Variants in ATP8A1 observed in about 807,000 individuals in gnomAD.
ATP8A1 encodes the protein ATPase phospholipid transporting 8A1.
A neutral mutation model predicts 177.7 loss-of-function variants in ATP8A1; 90 were observed. The observed-to-expected ratio is 0.51, with a 90% CI of 0.43 to 0.60. The LOEUF (loss-of-function observed/expected upper bound fraction) is 0.60, where lower values mean the gene tolerates loss of function less well. Among genes scored for constraint, ATP8A1 ranks in the 20% least tolerant of loss-of-function variants. The probability of loss-of-function intolerance (pLI) is 0.00; values close to 1 mark genes in which losing one functional copy is unlikely to be tolerated. For synonymous variants in ATP8A1, 493 were observed against 485.9 expected (o/e 1.01, Z -0.19); for missense variants, 1,072 against 1,392.8 (o/e 0.77, Z 3.67).
At chr4:42,577,973 A>C (rs1732645980) in intron 12 of ATP8A1, among the ~76,000 whole-genome samples, 1 of 152,178 alleles carries the variant, frequency 6.6e-6, no homozygotes, top group Non-Finnish European at 1.5e-5. Context: ...CTAGTAAATT[A>C]TAATACTAGA....
At chr4:42,469,172 TTTA>T (rs1368723471) in intron 25 of ATP8A1, among the ~76,000 whole-genome samples, 9 of 152,222 alleles carry the variant, frequency 5.9e-5, no homozygotes, top group African/African-American at 2.2e-4. Context: ...CAAAAAGTCT[TTTA>T]GAGCATTATA....
At chr4:42,538,737 A>G (rs1278372274) in intron 20 of ATP8A1, among the ~76,000 whole-genome samples, 1 of 152,158 alleles carries the variant, frequency 6.6e-6, no homozygotes, top group Admixed American at 6.6e-5. Context: ...GAATGGCCAT[A>G]ATCAAAAACT....
chr4:42,631,275 A>G (rs1459480326), intron 1 of ATP8A1, among the ~76,000 whole-genome samples: 1 of 152,256 alleles, frequency 6.6e-6, no homozygotes, highest in Non-Finnish European at 1.5e-5. Context: ...AAACCAGATT[A>G]GTAATATACT....
At chr4:42,636,610 G>A (rs1739419246) in intron 1 of ATP8A1, among the ~76,000 whole-genome samples, 1 of 152,120 alleles carries the variant, frequency 6.6e-6, no homozygotes, top group Non-Finnish European at 1.5e-5. Flanking sequence ...GTAGCCAGAG[G>A]AAAAATGGAA....
chr4:42,605,488 A>AC (rs2109414967), intron 5 of ATP8A1, among the ~76,000 whole-genome samples: 1 of 152,286 alleles, frequency 6.6e-6, no homozygotes, highest in East Asian at 1.9e-4. Flanking sequence ...GGGAAGTGTC[A>AC]CAACAGGCTT....
At chr4:42,561,749 G>A (rs1730857907) in intron 15 of ATP8A1, 1 of 152,192 alleles carries the variant, frequency 6.6e-6, no homozygotes, top group South Asian at 2.1e-4. Flanking sequence ...AGGGAGCTGA[G>A]CTCTGTGGCT....
At chr4:42,420,770 C>CT (rs34285804) in intron 35 of ATP8A1, among the ~76,000 whole-genome samples, 20,716 of 121,200 alleles carry the variant, frequency 0.17, 1,693 homozygotes, top group Middle Eastern at 0.29. Context: ...AGCTAGAACT[C>CT]TTTTTTTTTT....
intron 5 of ATP8A1, among the ~76,000 whole-genome samples, chr4:42,608,363 A>ATTTT (rs748536968): frequency 6.5e-5 from 9 of 138,652 alleles, no homozygotes; most frequent in Non-Finnish European, 7.7e-5. Context: ...CAATAATATC[A>ATTTT]TTTTTTTTTT....
At chr4:42,513,224 T>G (rs1290160023) in intron 22 of ATP8A1, among the ~76,000 whole-genome samples, 1 of 152,180 alleles carries the variant, frequency 6.6e-6, no homozygotes, top group Non-Finnish European at 1.5e-5. Context: ...CAATTCTCTT[T>G]CTTTTCCTTG....
At chr4:42,500,365 AAAAACAAAACAAAACAAAACAAAAC>A (rs142164207) in intron 24 of ATP8A1, among the ~76,000 whole-genome samples, 1 of 149,314 alleles carries the variant, frequency 6.7e-6, no homozygotes, top group Non-Finnish European at 1.5e-5. Flanking sequence ...ACTCGGTCTC[AAAAACAAAACAAAACAAAACAAAAC>A]AAAACAAAAC....
At position 42,579,947 on chromosome 4, in the gene ATP8A1, T is replaced by C. The variant is rs1179020676; in HGVS notation, c.866A>G (p.Asn289Ser). 1 of 1,610,066 alleles carries C rather than the reference T, an allele frequency of 6.2e-7. No homozygotes were observed. Among genetic ancestry groups the C allele is most frequent in the Admixed American group, 1.7e-5 (1 of 59,564 alleles). The change falls in exon 11 of 37, where the codon AAT (asparagine) becomes AGT (serine). Residue 289 changes from asparagine (N) to serine (S), a missense_variant. Physicochemically the swap from Asn to Ser is conservative, Grantham distance 46. Coordinates refer to ENST00000381668, the MANE Select transcript of ATP8A1 (RefSeq NM_006095.2). ...TTGTACATTTGTAATCCGTTCCACA[T>C]TTGAGAGCTTAAGTGGTGGACTTGT... ...NSTSPPLKLSNVERITNVQIL... is the reference protein window; with the variant it reads ...NSTSPPLKLSSVERITNVQIL...
At chr4:42,533,097 A>G (rs1008396648) in intron 20 of ATP8A1, among the ~76,000 whole-genome samples, 4 of 152,188 alleles carry the variant, frequency 2.6e-5, no homozygotes, top group Non-Finnish European at 5.9e-5. Flanking sequence ...CGTGACATGA[A>G]CTTTTGCTCC....
intron 25 of ATP8A1, among the ~76,000 whole-genome samples, chr4:42,480,310 T>C (rs911877341): frequency 3.9e-5 from 6 of 152,176 alleles, no homozygotes; most frequent in South Asian, 2.1e-4. Flanking sequence ...AAGCAAACTA[T>C]TGGCATTTTA....
Position 42,419,797 on chromosome 4 carries a change from T to G in ATP8A1, c.3305+3010A>C, listed in dbSNP as rs537336117. ...GGCGGGTGGATCACGAGGTCAGGAG[T>G]TCGAGACCAGTCTGGCCAACATAGT... On this transcript the variant is annotated intron_variant, in intron 35 of 36. Coordinates refer to ENST00000381668, the MANE Select transcript of ATP8A1 (RefSeq NM_006095.2). Among the ~76,000 whole-genome samples, 79 of 151,482 alleles carry G rather than the reference T, an allele frequency of 5.2e-4. 1 individual carries two copies. The highest frequency in any genetic ancestry group is 1.7e-3 in the African/African-American group (70 of 41,260).
intron 25 of ATP8A1, among the ~76,000 whole-genome samples, chr4:42,472,706 C>T (rs7686824): frequency 0.012 from 1,722 of 147,164 alleles, 36 homozygotes; most frequent in African/African-American, 0.041. Context: ...GCTGAGATCG[C>T]GCCATCGCAC....
chr4:42,549,420 A>T (rs1729264995), intron 18 of ATP8A1, among the ~76,000 whole-genome samples: 1 of 142,960 alleles, frequency 7.0e-6, no homozygotes, highest in Non-Finnish European at 1.5e-5. Flanking sequence ...AAGTATGGGA[A>T]CAATTAATAT....
intron 24 of ATP8A1, among the ~76,000 whole-genome samples, chr4:42,500,878 C>T (rs1723791373): frequency 6.6e-6 from 1 of 151,648 alleles, no homozygotes; most frequent in Non-Finnish European, 1.5e-5. Context: ...AAGAAGGATA[C>T]TCATATTGAA....
At chr4:42,443,503 GT>G in intron 33 of ATP8A1, 61 bp downstream of exon 33, 1 of 739,938 alleles carries the variant, frequency 1.4e-6, no homozygotes. Flanking sequence ...AACGATTAAG[GT>G]TTGCTAAAAA....
At chr4:42,580,699 G>A (rs1470774576) in intron 10 of ATP8A1, among the ~76,000 whole-genome samples, 2 of 152,186 alleles carry the variant, frequency 1.3e-5, no homozygotes, top group African/African-American at 4.8e-5. Flanking sequence ...CTTCATGCCT[G>A]TACAAGGTAC....
Sources: gnomAD v4.1 joint callset for allele counts (sites outside exome capture counted in the v4.1 genomes callset) on GRCh38, gnomAD v4.1.1 for gene constraint, MANE v1.5 for transcripts, NCBI Gene and HGNC (gene_info 2026-07-23, HGNC 2026-07-21) for gene names.